Variants in SMCHD1 observed in about 807,000 individuals in gnomAD.
SMCHD1 encodes structural maintenance of chromosomes flexible hinge domain containing 1, also known as structural maintenance of chromosomes flexible hinge domain-containing protein 1.
Under a neutral mutation model 254.7 loss-of-function variants are expected in SMCHD1, and 78 were observed. That is an observed-to-expected ratio of 0.31 (90% CI 0.26 to 0.37). The LOEUF (loss-of-function observed/expected upper bound fraction) is 0.37, where lower values mean the gene tolerates loss of function less well. Among genes scored for constraint, SMCHD1 ranks in the 10% least tolerant of loss-of-function variants. The pLI, the probability that SMCHD1 is intolerant of heterozygous loss-of-function variation, is 1.00. For missense variants in SMCHD1, 1,840 were observed against 2,408.1 expected (o/e 0.76, Z 4.94); for synonymous variants, 766 against 794.9 (o/e 0.96, Z 0.61).
chr18:2,777,745 C>CT, intron 42 of SMCHD1, 61 bp from the exon 43 acceptor site: 2 of 905,404 alleles, frequency 2.2e-6, no homozygotes, highest in Non-Finnish European at 1.7e-6. Flanking sequence ...TCCATATTGT[C>CT]TTTTTTTAAA....
chr18:2,784,962 A>G (rs1370018401), intron 45 of SMCHD1: 1 of 375,636 alleles, frequency 2.7e-6, no homozygotes, highest in Non-Finnish European at 5.1e-6. Flanking sequence ...AAAAAAAAAG[A>G]AGAAATTTCT....
At chr18:2,802,435 CATTGGA>C in intron 47 of SMCHD1, 87 bp from the exon 48 acceptor site, 1 of 861,962 alleles carries the variant, frequency 1.2e-6, no homozygotes, top group Non-Finnish European at 1.8e-6. Context: ...AATATGGTTT[CATTGGA>C]TATTTAAGCA....
chr18:2,669,937 C>A (rs964105841), intron 3 of SMCHD1, among the ~76,000 whole-genome samples: 1 of 152,282 alleles, frequency 6.6e-6, no homozygotes, highest in African/African-American at 2.4e-5. Flanking sequence ...CCTTTGGGTC[C>A]TATTCTCAAT....
At chr18:2,707,965 TATA>T (rs1354759131) in intron 17 of SMCHD1, 45 bp downstream of exon 17, 7 of 1,144,490 alleles carry the variant, frequency 6.1e-6, no homozygotes, top group East Asian at 2.7e-5. Flanking sequence ...GTTTTTAAAA[TATA>T]ATATCAAATT....
At position 2,728,468 on chromosome 18, in the gene SMCHD1, C is replaced by A. The variant is rs370279024; in HGVS notation, c.2785C>A (p.Arg929=). 6.2e-6 allele frequency: 10 copies of A among 1,612,248 alleles called. No individual in the cohort carries two copies. The highest frequency in any genetic ancestry group is 8.5e-6 in the Non-Finnish European group (10 of 1,179,160). ...TAATTTACTGTTAGGTCACCCTCGT[C>A]GACTGAAAGTGAAACCTGATTCTGA... ...KIRLLPGHPR[R]LKVKPDSEIL... Residue 929 remains arginine, a synonymous_variant, in exon 23 of 48, where the codon CGA becomes AGA. Coordinates refer to ENST00000320876, the MANE Select transcript of SMCHD1 (RefSeq NM_015295.3).
intron 5 of SMCHD1, among the ~76,000 whole-genome samples, chr18:2,678,081 T>A (rs901312267): frequency 6.6e-6 from 1 of 152,190 alleles, no homozygotes; most frequent in African/African-American, 2.4e-5. Context: ...TACTATCATT[T>A]TCGTATAAAT....
chr18:2,785,371 G>A (rs887112282), intron 45 of SMCHD1, among the ~76,000 whole-genome samples: 14 of 151,944 alleles, frequency 9.2e-5, no homozygotes, highest in African/African-American at 2.2e-4. Context: ...CAGTTTGGCC[G>A]GGCTCGATGG....
intron 17 of SMCHD1, among the ~76,000 whole-genome samples, chr18:2,709,277 A>G (rs1216309067): frequency 7.6e-6 from 1 of 131,282 alleles, no homozygotes; most frequent in Non-Finnish European, 1.7e-5. Context: ...CACATACACC[A>G]TATTTTGTTT....
At chr18:2,792,479 A>G (rs912899692) in intron 45 of SMCHD1, among the ~76,000 whole-genome samples, 1 of 152,240 alleles carries the variant, frequency 6.6e-6, no homozygotes, top group Admixed American at 6.5e-5. Context: ...TATCCCCATC[A>G]TTAAGCAACA....
At chr18:2,705,858 G>A in intron 14 of SMCHD1, 51 bp downstream of exon 14, 2 of 1,120,714 alleles carry the variant, frequency 1.8e-6, no homozygotes, top group African/African-American at 3.1e-5. Context: ...TAACACTTTT[G>A]CATAATTGTT....
intron 5 of SMCHD1, among the ~76,000 whole-genome samples, chr18:2,686,341 G>A (rs981026326): frequency 2.6e-5 from 4 of 152,184 alleles, no homozygotes; most frequent in African/African-American, 9.7e-5. Flanking sequence ...CAGGTGGTAA[G>A]TATAATGCAT....
intron 25 of SMCHD1, among the ~76,000 whole-genome samples, chr18:2,737,198 G>A (rs962485040): frequency 3.3e-5 from 5 of 151,998 alleles, no homozygotes; most frequent in Non-Finnish European, 7.4e-5. Context: ...TAAAAATATA[G>A]GAAAAGTAGT....
chr18:2,656,017 C>G lies in SMCHD1; in HGVS notation c.-59C>G, dbSNP rs2143728619. ...AGCTGAAGGCGCCGCGCGGAGCGCG[C>G]ACCTCAGCCCTGAGCCCGGCGGCGG... On this transcript the variant is annotated 5_prime_UTR_variant, in exon 1 of 48. Transcript: ENST00000320876. 3.2e-6 allele frequency: 4 copies of G among 1,236,518 alleles called. No homozygotes were observed. In the South Asian group the frequency reaches 1.1e-4, roughly 33 times the overall value. 76.6% of individuals were successfully genotyped at this position (1,236,518 alleles called of 1,614,324 possible).
At chr18:2,696,529 A>G (rs542205816) in intron 8 of SMCHD1, among the ~76,000 whole-genome samples, 1 of 152,296 alleles carries the variant, frequency 6.6e-6, no homozygotes, top group African/African-American at 2.4e-5. Flanking sequence ...CCATCTCTGG[A>G]AAAATTGTCT....
Position 2,703,897 on chromosome 18 carries a change from C to T in SMCHD1, c.1842+11C>T. 2 of 1,524,170 alleles carry T rather than the reference C, an allele frequency of 1.3e-6. No homozygotes were observed. The highest frequency in any genetic ancestry group is 1.8e-6 in the Non-Finnish European group (2 of 1,136,402). The allele number at this position is 1,524,170 out of a possible 1,614,324, so 94.4% of individuals were successfully genotyped here. A position where few individuals can be genotyped will look rare whatever the true frequency, so the allele number is the denominator to read the frequency against. On this transcript the variant is annotated intron_variant, in intron 13 of 47. Coordinates refer to ENST00000320876, the MANE Select transcript of SMCHD1 (RefSeq NM_015295.3). ...AAAGCAGGACAGCTGGTAGGTTTAA[C>T]TTATTGTCACTTTTTTCTTATAATT... is the stretch of plus-strand genomic sequence containing the variant.
intron 25 of SMCHD1, 89 bp downstream of exon 25, chr18:2,732,581 TAA>T: frequency 1.3e-6 from 1 of 766,250 alleles, no homozygotes; most frequent in Non-Finnish European, 2.0e-6. Context: ...GGGTAGCATC[TAA>T]AAAAGAAGCT....
intron 41 of SMCHD1, among the ~76,000 whole-genome samples, chr18:2,773,369 C>T (rs930815403): frequency 6.6e-6 from 1 of 152,152 alleles, no homozygotes; most frequent in Admixed American, 6.5e-5. Flanking sequence ...AATTCTTGGA[C>T]AATATGTGAG....
rs751292985 is a variant in SMCHD1, at chr18:2,802,823, G to T, written c.*271G>T. The T allele has an allele frequency of 4.3e-5, 15 of 347,944 alleles. No homozygotes were observed. Among genetic ancestry groups the T allele is most frequent in the Non-Finnish European group, 7.8e-5 (15 of 193,432 alleles). The allele number at this position is 347,944 out of a possible 1,614,324, so 21.6% of individuals were successfully genotyped here. On this transcript the variant is annotated 3_prime_UTR_variant, in exon 48 of 48. Coordinates refer to ENST00000320876, the MANE Select transcript of SMCHD1 (RefSeq NM_015295.3). ...CCTTGCAAATGTGTAAGAGGAAAAT[G>T]TGCTAATGTGGCAGTGACTGTAAAA... is the stretch of plus-strand genomic sequence containing the variant.
chr18:2,753,198 GTC>G (rs1172494741), intron 34 of SMCHD1: 14 of 152,246 alleles, frequency 9.2e-5, no homozygotes, highest in African/African-American at 3.4e-4. Context: ...CATCTCTATA[GTC>G]TCTGATTTAG....
Sources: gnomAD v4.1 joint callset for allele counts (sites outside exome capture counted in the v4.1 genomes callset) on GRCh38, gnomAD v4.1.1 for gene constraint, MANE v1.5 for transcripts, NCBI Gene and HGNC (gene_info 2026-07-23, HGNC 2026-07-21) for gene names.